The following PALM2AKAP2 variants were observed in gnomAD, a reference collection of about 807,000 sequenced individuals.
PALM2AKAP2 encodes PALM2-AKAP2 fusion protein.
In PALM2AKAP2, 37 loss-of-function variants were observed where a neutral mutation model predicts 71.5. The observed-to-expected ratio is 0.52, with a 90% CI of 0.40 to 0.68. The LOEUF (loss-of-function observed/expected upper bound fraction) is 0.68. Ranked by LOEUF, PALM2AKAP2 falls within the 30% of genes least tolerant of loss-of-function variation. The pLI, the probability that PALM2AKAP2 is intolerant of heterozygous loss-of-function variation, is 0.00. For synonymous variants in PALM2AKAP2, 468 were observed against 478.8 expected, an observed-to-expected ratio of 0.98 and a Z score of 0.29; for missense variants, 1,224 against 1,191.8, an observed-to-expected ratio of 1.03 and a Z score of -0.40.
At chr9:110,068,838 C>T (rs1834143587) in intron 1 of PALM2AKAP2, among the ~76,000 whole-genome samples, 1 of 152,200 alleles carries the variant, frequency 6.6e-6, no homozygotes, top group African/African-American at 2.4e-5. Context: ...CAGCCTGGAA[C>T]TTTCTTAAAA....
chr9:110,171,884 C>T (rs758943750), exon 4 of PALM2AKAP2: 1 of 152,658 alleles, frequency 6.6e-6, no homozygotes, highest in Non-Finnish European at 1.5e-5. Context: ...TTGGCTTTCT[C>T]ATCCAGAAAT....
intron 5 of PALM2AKAP2, among the ~76,000 whole-genome samples, chr9:109,925,802 A>G (rs935650297): frequency 3.9e-5 from 6 of 152,158 alleles, no homozygotes; most frequent in Admixed American, 2.0e-4. Flanking sequence ...CCCTATCCTC[A>G]GCTGCAAACC....
At chr9:109,714,806 C>T (rs1828291694) in intron 1 of PALM2AKAP2, among the ~76,000 whole-genome samples, 1 of 152,168 alleles carries the variant, frequency 6.6e-6, no homozygotes, top group Non-Finnish European at 1.5e-5. Context: ...AGGGCCAGCA[C>T]AGACTTGATG....
intron 1 of PALM2AKAP2, among the ~76,000 whole-genome samples, chr9:109,679,229 G>A (rs1473299773): frequency 6.6e-6 from 1 of 152,138 alleles, no homozygotes; most frequent in Non-Finnish European, 1.5e-5. Flanking sequence ...CCAGATTAGA[G>A]GGAAGGTATT....
At chr9:109,970,992 TC>T (rs1352142621) in intron 6 of PALM2AKAP2, among the ~76,000 whole-genome samples, 1 of 152,088 alleles carries the variant, frequency 6.6e-6, no homozygotes, top group African/African-American at 2.4e-5. Context: ...ACACCTGTAG[TC>T]CCAGCTACTC....
chr9:109,819,427 A>T (rs912195506), intron 1 of PALM2AKAP2, among the ~76,000 whole-genome samples: 1 of 152,228 alleles, frequency 6.6e-6, no homozygotes, highest in Non-Finnish European at 1.5e-5. Context: ...TTAGCTGCTT[A>T]TGTGGCAGGG....
At chr9:109,682,436 T>G (rs1228807320) in intron 1 of PALM2AKAP2, among the ~76,000 whole-genome samples, 4 of 152,180 alleles carry the variant, frequency 2.6e-5, no homozygotes, top group African/African-American at 9.7e-5. Context: ...ATGTACATAT[T>G]TGGGTTTTGC....
At chr9:109,853,906 G>A (rs1486463900) in intron 1 of PALM2AKAP2, among the ~76,000 whole-genome samples, 1 of 152,056 alleles carries the variant, frequency 6.6e-6, no homozygotes, top group Admixed American at 6.6e-5. Flanking sequence ...GCTTTAACTG[G>A]AGCTTCCTAC....
chr9:109,744,890 C>T (rs1489021899), intron 1 of PALM2AKAP2, among the ~76,000 whole-genome samples: 2 of 152,286 alleles, frequency 1.3e-5, no homozygotes, highest in South Asian at 2.1e-4. Context: ...TTTTGGCACA[C>T]TTCTTGCTCT....
intron 1 of PALM2AKAP2, among the ~76,000 whole-genome samples, chr9:109,701,225 C>T (rs967521233): frequency 1.3e-5 from 2 of 152,136 alleles, no homozygotes; most frequent in East Asian, 1.9e-4. Flanking sequence ...ACTTTCTTCA[C>T]AGAATTGGAA....
At chr9:109,811,376 G>A (rs931122197) in intron 1 of PALM2AKAP2, among the ~76,000 whole-genome samples, 4 of 151,990 alleles carry the variant, frequency 2.6e-5, no homozygotes, top group African/African-American at 9.7e-5. Context: ...AGGTGGGTGC[G>A]GGGCAGTGAA....
chr9:109,780,760 TA>T (rs1382188172), intron 1 of PALM2AKAP2, among the ~76,000 whole-genome samples: 1 of 151,966 alleles, frequency 6.6e-6, no homozygotes, highest in African/African-American at 2.4e-5. Flanking sequence ...AAGATTGGCT[TA>T]AAAAAAGATG....
At chr9:109,772,305 AGGCTCCT>A (rs1279627773) in intron 1 of PALM2AKAP2, among the ~76,000 whole-genome samples, 2 of 152,118 alleles carry the variant, frequency 1.3e-5, no homozygotes. Context: ...GAACTCCACA[AGGCTCCT>A]GGCTCCCAGT....
chr9:109,931,990 A>T, exon 6 of PALM2AKAP2: 1 of 1,614,120 alleles, frequency 6.2e-7, no homozygotes, highest in Non-Finnish European at 8.5e-7. Flanking sequence ...CGAACAGCAG[A>T]ACCATCACCT....
chr9:110,012,241 C>T (rs1381217623), intron 6 of PALM2AKAP2, among the ~76,000 whole-genome samples: 1 of 151,776 alleles, frequency 6.6e-6, no homozygotes, highest in Non-Finnish European at 1.5e-5. Context: ...TTCAGTGAGC[C>T]GAGATAGTGC....
At chr9:109,678,707 T>C (rs907220968) in intron 1 of PALM2AKAP2, among the ~76,000 whole-genome samples, 1 of 152,268 alleles carries the variant, frequency 6.6e-6, no homozygotes, top group African/African-American at 2.4e-5. Flanking sequence ...GAGGAAATCA[T>C]TGTTAGTCCC....
chr9:109,850,015 G>A (rs1453707204), intron 1 of PALM2AKAP2, among the ~76,000 whole-genome samples: 1 of 152,170 alleles, frequency 6.6e-6, no homozygotes, highest in Non-Finnish European at 1.5e-5. Flanking sequence ...GTACCCCAGG[G>A]AGGCTGAGCC....
At chr9:109,836,509 A>G (rs1257597278) in intron 1 of PALM2AKAP2, among the ~76,000 whole-genome samples, 1 of 152,250 alleles carries the variant, frequency 6.6e-6, no homozygotes, top group Non-Finnish European at 1.5e-5. Context: ...CTTGCCAGCA[A>G]TGGAACAAAG....
intron 1 of PALM2AKAP2, among the ~76,000 whole-genome samples, chr9:110,084,256 G>A (rs1376090305): frequency 2.6e-5 from 4 of 152,184 alleles, no homozygotes; most frequent in African/African-American, 9.7e-5. Flanking sequence ...CATTCACCAT[G>A]TGGCTTAGCT....
Sources: gnomAD v4.1 joint callset for allele counts (sites outside exome capture counted in the v4.1 genomes callset) on GRCh38, gnomAD v4.1.1 for gene constraint, MANE v1.5 for transcripts, NCBI Gene and HGNC (gene_info 2026-07-23, HGNC 2026-07-21) for gene names.